The following GLB1L3 variants were observed in gnomAD, a reference collection of about 807,000 sequenced individuals.
GLB1L3 encodes the protein galactosidase beta 1 like 3, also known as beta-galactosidase-1-like protein 3.
Under a neutral mutation model 89.5 loss-of-function variants are expected in GLB1L3, and 89 were observed. The observed-to-expected ratio is 0.99, with a 90% confidence interval of 0.84 to 1.19. GLB1L3 has a LOEUF of 1.19. Among genes scored for constraint, GLB1L3 ranks in the 50% most tolerant of loss-of-function variants. The probability of loss-of-function intolerance (pLI) is 0.00; values close to 1 mark genes in which losing one functional copy is unlikely to be tolerated. For missense variants in GLB1L3, 812 were observed against 813.3 expected (o/e 1.00, Z 0.02); for synonymous variants, 314 against 312.3 (o/e 1.01, Z -0.06).
In GLB1L3 at chr11:134,311,163, TAAATG is replaced by T; in HGVS notation, c.1282_1286del (p.Asn428AlafsTer29). 4.3e-6 allele frequency: 7 copies of T among 1,612,118 alleles called. No individual in the cohort carries two copies. Among genetic ancestry groups the T allele is most frequent in the Non-Finnish European group, 5.9e-6 (7 of 1,178,270 alleles). ...CCGCTGTGGGACGCCCTATCCTACT[TAAATG>T]AGGTGCGTGCTGCCTGGCCACAGGA... On this transcript the variant is annotated frameshift_variant and splice_region_variant, in exon 13 of 20. Transcript: ENST00000431683. LOFTEE classifies it high-confidence loss of function.
chr11:134,312,625 G>A lies in GLB1L3; in HGVS notation c.1428+136G>A, dbSNP rs1467280275. The A allele has an allele frequency of 7.6e-6, 9 of 1,184,562 alleles. No homozygotes were observed. In the South Asian group the frequency reaches 1.0e-4, roughly 14 times the overall value. The allele number at this position is 1,184,562 out of a possible 1,614,324, so 73.4% of individuals were successfully genotyped here. A position where few individuals can be genotyped will look rare whatever the true frequency, so the allele number is the denominator to read the frequency against. ...GGGAGGCATTGGGACTAAAAAGTCA[G>A]GCCAAATAGACTTGCTTTCTGCTTT... On this transcript the variant is annotated intron_variant, in intron 14 of 19. Coordinates refer to ENST00000431683, the MANE Select transcript of GLB1L3 (RefSeq NM_001080407.3).
Position 134,276,582 on chromosome 11 carries a change from G to A in GLB1L3, c.-159G>A. ...TCCTTGGGACCCGGACCCGGCGCCCGCGCCTCGGGACGGATTTCTGCCTCG... is the reference window on the plus strand; with the variant it reads ...TCCTTGGGACCCGGACCCGGCGCCCACGCCTCGGGACGGATTTCTGCCTCG... On this transcript the variant is annotated 5_prime_UTR_variant, in exon 1 of 20. Coordinates refer to ENST00000431683, the MANE Select transcript of GLB1L3 (RefSeq NM_001080407.3). 6.5e-6 allele frequency: 4 copies of A among 612,608 alleles called. No homozygotes were observed. The highest frequency in any genetic ancestry group is 9.4e-6 in the Non-Finnish European group (4 of 424,704). 37.9% of individuals were successfully genotyped at this position (612,608 alleles called of 1,614,324 possible).
At position 134,314,036 on chromosome 11, in the gene GLB1L3, C is replaced by T. The variant is rs752588438; in HGVS notation, c.1667+8C>T. On this transcript the variant is annotated splice_region_variant and intron_variant, in intron 17 of 19. Transcript: ENST00000431683. The stretch of plus-strand genomic sequence containing the variant: ...AATGAGCTTCTTTGAGAGGTATGCT[C>T]CAGCTGGCCCCCAGTGCACACTTCA... 1.3e-6 allele frequency: 2 copies of T among 1,577,426 alleles called. No homozygotes were observed. The highest frequency in any genetic ancestry group is 4.5e-5 in the East Asian group (2 of 44,690).
intron 9 of GLB1L3, among the ~76,000 whole-genome samples, chr11:134,299,340 T>C (rs1941818749): frequency 6.6e-6 from 1 of 152,148 alleles, no homozygotes; most frequent in African/African-American, 2.4e-5. Context: ...AAGTGTGTTC[T>C]TTTCTTGCCT....
At chr11:134,316,563 AG>A (rs1172185125) in intron 18 of GLB1L3, among the ~76,000 whole-genome samples, 2 of 152,200 alleles carry the variant, frequency 1.3e-5, no homozygotes, top group African/African-American at 2.4e-5. Context: ...CTGATACTAA[AG>A]GTGAGCACTT....
chr11:134,307,492 A>G (rs1942258042), intron 10 of GLB1L3, among the ~76,000 whole-genome samples: 1 of 152,242 alleles, frequency 6.6e-6, no homozygotes, highest in South Asian at 2.1e-4. Context: ...GCAAACAAAC[A>G]GGGTGCAGTG....
chr11:134,317,722 T>C (rs1262884008), intron 18 of GLB1L3, among the ~76,000 whole-genome samples: 2 of 152,192 alleles, frequency 1.3e-5, no homozygotes, highest in Non-Finnish European at 2.9e-5. Flanking sequence ...CTTTATTGAT[T>C]GTTATTTGCT....
chr11:134,304,867 ACT>A (rs1191402746), intron 9 of GLB1L3, among the ~76,000 whole-genome samples: 2 of 151,752 alleles, frequency 1.3e-5, no homozygotes, highest in African/African-American at 2.4e-5. Flanking sequence ...AAAGAAAAAA[ACT>A]CTTTTTTATT....
At position 134,314,319 on chromosome 11, in the gene GLB1L3, C is replaced by CT. The variant is rs1707126097; in HGVS notation, c.1668-8dup. 7 of 1,537,170 alleles carry CT rather than the reference C, an allele frequency of 4.6e-6. No homozygotes were observed. The Admixed American group carries it at 1.0e-4, about 23-fold the overall frequency. The stretch of plus-strand genomic sequence containing the variant: ...GACTTCTTCTCCCCCATGGCTTGGC[C>CT]TTTCTTCCAGGCTCCGCTCTGCCAC... On this transcript the variant is annotated splice_polypyrimidine_tract_variant and intron_variant, in intron 17 of 19. Coordinates refer to ENST00000431683, the MANE Select transcript of GLB1L3 (RefSeq NM_001080407.3).
At chr11:134,281,553 G>A (rs1940686940) in intron 4 of GLB1L3, 108 bp downstream of exon 4, 4 of 1,166,206 alleles carry the variant, frequency 3.4e-6, no homozygotes, top group Non-Finnish European at 5.1e-6. Context: ...TGGGTCTGGA[G>A]TCCTGTTCTA....
At position 134,283,814 on chromosome 11, in the gene GLB1L3, A is replaced by G; in HGVS notation, c.605A>G (p.Asp202Gly). ...SFIEAVEKYF[D>G]HLIPRVIPLQ... Reference sequence around the variant, plus strand: ...ATTGAAGCAGTTGAGAAGTATTTTGACCACCTGATTCCCAGAGTGATTCCT... The same window carrying G: ...ATTGAAGCAGTTGAGAAGTATTTTGGCCACCTGATTCCCAGAGTGATTCCT... The change falls in exon 6 of 20, where the codon GAC (aspartate) becomes GGC (glycine). Residue 202 changes from aspartate to glycine, a missense_variant. By Grantham distance (94) the Asp-to-Gly change is moderately conservative. Coordinates refer to ENST00000431683, the MANE Select transcript of GLB1L3 (RefSeq NM_001080407.3). 1.2e-6 allele frequency: 2 copies of G among 1,611,604 alleles called. No homozygotes were observed. Among genetic ancestry groups the G allele is most frequent in the Non-Finnish European group, 1.7e-6 (2 of 1,178,288 alleles).
chr11:134,281,249 C>G, intron 3 of GLB1L3, 128 bp from the exon 4 acceptor site: 1 of 1,048,902 alleles, frequency 9.5e-7, no homozygotes, highest in Non-Finnish European at 1.5e-6. Context: ...GGTTTAATTT[C>G]CACTGGTAAC....
chr11:134,317,749 G>A (rs1473333841), intron 18 of GLB1L3, among the ~76,000 whole-genome samples: 1 of 151,964 alleles, frequency 6.6e-6, no homozygotes, highest in Non-Finnish European at 1.5e-5. Context: ...ATTGACTATT[G>A]AAAGGTTGTA....
At chr11:134,316,104 T>C (rs1461322360) in intron 18 of GLB1L3, among the ~76,000 whole-genome samples, 1 of 152,096 alleles carries the variant, frequency 6.6e-6, no homozygotes, top group African/African-American at 2.4e-5. Context: ...CCTATAAACA[T>C]TGGGCAATTA....
At chr11:134,300,789 G>C (rs1490359640) in intron 9 of GLB1L3, among the ~76,000 whole-genome samples, 7 of 152,236 alleles carry the variant, frequency 4.6e-5, no homozygotes, top group African/African-American at 1.7e-4. Flanking sequence ...TTCTTATGAG[G>C]ACCCCGGTGA....
chr11:134,316,048 C>T (rs1942964851), intron 18 of GLB1L3, among the ~76,000 whole-genome samples: 1 of 152,128 alleles, frequency 6.6e-6, no homozygotes, highest in Non-Finnish European at 1.5e-5. Context: ...CATGCCTTCA[C>T]AATGCTATGC....
chr11:134,288,913 C>T (rs1334113835), intron 7 of GLB1L3, 23 bp downstream of exon 7: 1 of 1,542,580 alleles, frequency 6.5e-7, no homozygotes, highest in Non-Finnish European at 8.9e-7. Context: ...TGGTTTGGCC[C>T]CATGTTTACA....
chr11:134,297,490 AT>A (rs1179289965), intron 9 of GLB1L3, among the ~76,000 whole-genome samples: 1 of 151,866 alleles, frequency 6.6e-6, no homozygotes, highest in Non-Finnish European at 1.5e-5. Flanking sequence ...CTAATTAATA[AT>A]TTTTTGATTC....
intron 6 of GLB1L3, among the ~76,000 whole-genome samples, 154 bp downstream of exon 6, chr11:134,283,999 G>A (rs1315277359): frequency 6.6e-6 from 1 of 152,196 alleles, no homozygotes; most frequent in Non-Finnish European, 1.5e-5. Context: ...CTTGAGGACA[G>A]AAGCACTGAC....
Sources: allele counts gnomAD v4.1 joint callset (sites outside exome capture counted in the v4.1 genomes callset), GRCh38; gene constraint gnomAD v4.1.1; transcripts MANE v1.5; gene names NCBI Gene and HGNC (gene_info 2026-07-23, HGNC 2026-07-21).